The following NFIA variants were observed in gnomAD, a reference collection of about 807,000 sequenced individuals.
The protein encoded by NFIA is nuclear factor I A.
A neutral mutation model predicts 62.8 loss-of-function variants in NFIA; 8 were observed. The ratio of observed to expected loss-of-function variants is 0.13; its 90% CI spans 0.07 to 0.23. NFIA has a LOEUF of 0.23. Among genes scored for constraint, NFIA ranks in the 10% least tolerant of loss-of-function variants. The pLI is 1.00. For missense variants in NFIA, 410 were observed against 642.1 expected (o/e 0.64, Z 3.91); for synonymous variants, 235 against 238.1 (o/e 0.99, Z 0.12).
chr1:61,296,254 AC>A (rs1261480777), intron 3 of NFIA, among the ~76,000 whole-genome samples: 2 of 152,170 alleles, frequency 1.3e-5, no homozygotes, highest in African/African-American at 4.8e-5. Flanking sequence ...GACTCTGTTA[AC>A]CTATCAGTAT....
chr1:61,129,725 C>G (rs183030223), intron 2 of NFIA, among the ~76,000 whole-genome samples: 7 of 152,256 alleles, frequency 4.6e-5, no homozygotes, highest in Admixed American at 4.6e-4. Flanking sequence ...GCTGAGATTA[C>G]AGGTGTGAGC....
intron 9 of NFIA, among the ~76,000 whole-genome samples, chr1:61,407,437 T>TAG (rs981988958): frequency 1.3e-5 from 2 of 152,210 alleles, no homozygotes; most frequent in African/African-American, 4.8e-5. Context: ...TTACTTGAAC[T>TAG]AGAGAGAGAG....
intron 10 of NFIA, among the ~76,000 whole-genome samples, chr1:61,431,938 G>C (rs1010924484): frequency 7.9e-5 from 12 of 152,162 alleles, no homozygotes; most frequent in African/African-American, 2.9e-4. Context: ...TTGCTTAATA[G>C]AGCCTCAACA....
intron 2 of NFIA, among the ~76,000 whole-genome samples, chr1:61,200,010 G>GTATATA (rs60422302): frequency 1.9e-5 from 1 of 52,824 alleles, no homozygotes; most frequent in African/African-American, 6.7e-5. Flanking sequence ...ATATATATAT[G>GTATATA]TATATATATA....
intron 2 of NFIA, among the ~76,000 whole-genome samples, chr1:61,118,677 T>A (rs1479506988): frequency 2.2e-5 from 3 of 138,804 alleles, no homozygotes; most frequent in Non-Finnish European, 4.7e-5. Context: ...TGTGTGTGTG[T>A]GTGTGTGTGT....
intron 3 of NFIA, among the ~76,000 whole-genome samples, chr1:61,317,401 G>T (rs548153342): frequency 1.8e-4 from 28 of 152,080 alleles, no homozygotes; most frequent in African/African-American, 6.3e-4. Context: ...ATTTAAAGAA[G>T]AGATGGTGAT....
At chr1:61,438,066 GC>G (rs1667411497) in intron 10 of NFIA, among the ~76,000 whole-genome samples, 1 of 152,070 alleles carries the variant, frequency 6.6e-6, no homozygotes, top group Non-Finnish European at 1.5e-5. Flanking sequence ...GATTTTATAG[GC>G]AATAGTAGCA....
intron 9 of NFIA, among the ~76,000 whole-genome samples, chr1:61,419,662 T>A (rs1268752171): frequency 6.6e-6 from 1 of 152,158 alleles, no homozygotes; most frequent in Non-Finnish European, 1.5e-5. Flanking sequence ...TTAGGATCCT[T>A]AATACAAACA....
chr1:61,320,041 T>G (rs1028546409), intron 3 of NFIA, among the ~76,000 whole-genome samples: 1 of 152,072 alleles, frequency 6.6e-6, no homozygotes, highest in African/African-American at 2.4e-5. Flanking sequence ...CTGCTGCAGT[T>G]AAAAGGTTAT....
At chr1:61,398,910 C>G (rs908104456) in intron 7 of NFIA, among the ~76,000 whole-genome samples, 1 of 152,196 alleles carries the variant, frequency 6.6e-6, no homozygotes, top group Non-Finnish European at 1.5e-5. Context: ...TCTGAAGAAG[C>G]AAGATACATA....
chr1:61,224,448 T>C lies in NFIA; in HGVS notation c.560-53072T>C, dbSNP rs544528867. Among the ~76,000 whole-genome samples the C allele has an allele frequency of 2.6e-5, 4 of 152,248 alleles. No homozygotes were observed. The South Asian group carries it at 6.2e-4, about 24-fold the overall frequency. On this transcript the variant is annotated intron_variant, in intron 2 of 10. Transcript: ENST00000403491. ...TAAACTAGCAGTAGCCAAATTTATT[T>C]GTCAGTGGAATCCTTTTTTCATGCA...
intron 10 of NFIA, among the ~76,000 whole-genome samples, chr1:61,453,634 C>T (rs1668171114): frequency 6.6e-6 from 1 of 151,990 alleles, no homozygotes; most frequent in African/African-American, 2.4e-5. Flanking sequence ...TCTGGAATTT[C>T]ACAACCGACT....
rs918196815 is a variant in NFIA, at chr1:61,089,695, C to CTTTTTTTTTTT, written c.559+1024_559+1034dup. Among the ~76,000 whole-genome samples, 164 of 107,754 alleles carry CTTTTTTTTTTT rather than the reference C, an allele frequency of 1.5e-3. 3 individuals are homozygous for CTTTTTTTTTTT. The highest frequency in any genetic ancestry group is 5.1e-3 in the African/African-American group (145 of 28,548). The allele number at this position is 107,754 out of a possible 152,430, so 70.7% of individuals were successfully genotyped here. A position where few individuals can be genotyped will look rare whatever the true frequency, so the allele number is the denominator to read the frequency against. ...GTTCAAATATTTAACGTTTTTTTTT[C>CTTTTTTTTTTT]TTTTTTTTTTTTTTTTTTTACAAAG... On this transcript the variant is annotated intron_variant, in intron 2 of 10. Coordinates refer to ENST00000403491, the MANE Select transcript of NFIA (RefSeq NM_001134673.4).
intron 9 of NFIA, among the ~76,000 whole-genome samples, chr1:61,416,337 C>T (rs936945143): frequency 1.6e-4 from 25 of 152,156 alleles, no homozygotes; most frequent in Non-Finnish European, 3.2e-4. Flanking sequence ...CATACTCACA[C>T]ATGGGGGAGT....
At chr1:61,201,161 A>G (rs1652459190) in intron 2 of NFIA, among the ~76,000 whole-genome samples, 1 of 152,190 alleles carries the variant, frequency 6.6e-6, no homozygotes, top group South Asian at 2.1e-4. Context: ...TACCTTAAGT[A>G]TCACATACCC....
At chr1:61,388,530 T>G (rs926085696) in intron 7 of NFIA, among the ~76,000 whole-genome samples, 1 of 152,242 alleles carries the variant, frequency 6.6e-6, no homozygotes, top group Non-Finnish European at 1.5e-5. Flanking sequence ...CTTATCTTTT[T>G]GCTTAAAATC....
chr1:61,328,701 A>AT (rs1452389989), intron 3 of NFIA, among the ~76,000 whole-genome samples: 3 of 147,736 alleles, frequency 2.0e-5, no homozygotes, highest in African/African-American at 7.5e-5. Context: ...TTACAGGCAT[A>AT]AACCACCGCA....
At chr1:61,364,895 A>G (rs1448440805) in intron 6 of NFIA, among the ~76,000 whole-genome samples, 1 of 152,178 alleles carries the variant, frequency 6.6e-6, no homozygotes, top group East Asian at 1.9e-4. Flanking sequence ...GACCTGCAAC[A>G]TGGCATCACC....
Position 61,387,468 on chromosome 1 carries a change from C to CTTTTTTTTT in NFIA, c.1075+4118_1075+4126dup, listed in dbSNP as rs33965994. On this transcript the variant is annotated intron_variant, in intron 7 of 10. Coordinates refer to ENST00000403491, the MANE Select transcript of NFIA (RefSeq NM_001134673.4). ...TCCCCCAGATCAGCTCAAGCACTTT[C>CTTTTTTTTT]TTTTTTTTTTTTTTTTTTTTTTTGA... Among the ~76,000 whole-genome samples, 57 of 95,468 alleles carry CTTTTTTTTT rather than the reference C, an allele frequency of 6.0e-4. 1 individual carries two copies. The highest frequency in any genetic ancestry group is 2.3e-3 in the African/African-American group (55 of 24,292). 62.6% of individuals were successfully genotyped at this position (95,468 alleles called of 152,430 possible).
Sources: allele counts gnomAD v4.1 joint callset (sites outside exome capture counted in the v4.1 genomes callset), GRCh38; gene constraint gnomAD v4.1.1; transcripts MANE v1.5; gene names NCBI Gene and HGNC (gene_info 2026-07-23, HGNC 2026-07-21).